Variants in GLRA2 observed in about 807,000 individuals in gnomAD.
GLRA2 encodes glycine receptor subunit alpha-2.
A neutral mutation model predicts 31.6 loss-of-function variants in GLRA2; 11 were observed. The ratio of observed to expected loss-of-function variants is 0.35; its 90% confidence interval spans 0.22 to 0.58. GLRA2 has a LOEUF of 0.58. Among genes scored for constraint, GLRA2 ranks in the 20% least tolerant of loss-of-function variants. GLRA2 has a pLI of 0.84. For missense variants in GLRA2, 212 were observed against 351.8 expected, an observed-to-expected ratio of 0.60 and a Z score of 3.18; for synonymous variants, 132 against 134.0, an observed-to-expected ratio of 0.99 and a Z score of 0.10.
At chrX:14,511,704 T>G in the GLRA2 span, among the ~76,000 whole-genome samples, 3 of 112,284 alleles carry the variant, frequency 2.7e-5, no homozygotes, top group Middle Eastern at 4.6e-3. Flanking sequence ...TCTTTAGAAT[T>G]AAGGAGGTTA....
chrX:14,576,895 T>G (rs1315186761), intron 3 of GLRA2, among the ~76,000 whole-genome samples: 1 of 113,011 alleles, frequency 8.8e-6, no homozygotes. Context: ...ATATTGTGCT[T>G]CTTTTGTTTT....
At chrX:14,649,764 T>C (rs2090869869) in intron 7 of GLRA2, among the ~76,000 whole-genome samples, 1 of 112,153 alleles carries the variant, frequency 8.9e-6, no homozygotes, top group Admixed American at 9.5e-5. Context: ...TTCCTAAGTC[T>C]TCTTCCCTAC....
At chrX:14,600,788 T>C (rs1037016279) in intron 4 of GLRA2, among the ~76,000 whole-genome samples, 1 of 111,568 alleles carries the variant, frequency 9.0e-6, no homozygotes, top group Non-Finnish European at 1.9e-5. Flanking sequence ...AAAGAAAAAT[T>C]TATTCCTTCT....
At chrX:14,708,009 CTTCT>C (rs2091654747) in intron 8 of GLRA2, among the ~76,000 whole-genome samples, 1 of 108,915 alleles carries the variant, frequency 9.2e-6, no homozygotes, top group Non-Finnish European at 1.9e-5. Context: ...TCCCTCCCTC[CTTCT>C]TTCTTTCATG....
the GLRA2 span, among the ~76,000 whole-genome samples, chrX:14,462,938 G>T: frequency 9.0e-6 from 1 of 111,604 alleles, no homozygotes; most frequent in African/African-American, 3.3e-5. Flanking sequence ...CTGGTTTTTG[G>T]AATTTTCAGC....
At chrX:14,667,558 T>C (rs768535973) in intron 7 of GLRA2, among the ~76,000 whole-genome samples, 109 of 111,999 alleles carry the variant, frequency 9.7e-4, no homozygotes, top group African/African-American at 3.3e-3. Flanking sequence ...TGATTTTGAA[T>C]AGCTACTTTT....
chrX:14,472,593 C>G, the GLRA2 span, among the ~76,000 whole-genome samples: 756 of 111,274 alleles, frequency 6.8e-3, 27 homozygotes, highest in Admixed American at 0.061. Flanking sequence ...CATGTGTTCT[C>G]ATCATTCAGC....
chrX:14,552,582 G>A (rs1298690736), intron 2 of GLRA2, among the ~76,000 whole-genome samples: 1 of 112,358 alleles, frequency 8.9e-6, no homozygotes, highest in Non-Finnish European at 1.9e-5. Context: ...ACCTTATGGT[G>A]GCCTAGGCAG....
At chrX:14,693,050 AAAAAAAAG>A (rs1318613684) in intron 8 of GLRA2, among the ~76,000 whole-genome samples, 1 of 98,195 alleles carries the variant, frequency 1.0e-5, no homozygotes, top group African/African-American at 3.5e-5. Flanking sequence ...AATAACAAAA[AAAAAAAAG>A]AAAGAGGGAA....
At chrX:14,519,011 C>CA in the GLRA2 span, among the ~76,000 whole-genome samples, 1,819 of 25,655 alleles carry the variant, frequency 0.071, 44 homozygotes, top group African/African-American at 0.1. Flanking sequence ...GACTCGGTCT[C>CA]AAAAAAAAAA....
At chrX:14,450,492 C>T in the GLRA2 span, among the ~76,000 whole-genome samples, 1 of 111,464 alleles carries the variant, frequency 9.0e-6, no homozygotes, top group Non-Finnish European at 1.9e-5. Context: ...CTCTTGCCCT[C>T]CCTAGATCAC....
chrX:14,501,015 T>C, the GLRA2 span, among the ~76,000 whole-genome samples: 1 of 109,888 alleles, frequency 9.1e-6, no homozygotes, highest in East Asian at 2.8e-4. Flanking sequence ...GATAAAATGA[T>C]TTTTCATAAG....
chrX:14,584,064 G>A (rs2090054537), intron 4 of GLRA2, among the ~76,000 whole-genome samples: 1 of 111,161 alleles, frequency 9.0e-6, no homozygotes, highest in Non-Finnish European at 1.9e-5. Flanking sequence ...TGGAGGGAAA[G>A]AGGAGGACGA....
chrX:14,723,569 T>G (rs2091891422), intron 8 of GLRA2, among the ~76,000 whole-genome samples: 1 of 111,856 alleles, frequency 8.9e-6, no homozygotes, highest in Non-Finnish European at 1.9e-5. Context: ...GTTCTCAAAA[T>G]AAAGCTTCAT....
chrX:14,637,128 A>C, intron 7 of GLRA2, among the ~76,000 whole-genome samples: 1 of 112,480 alleles, frequency 8.9e-6, no homozygotes, highest in Middle Eastern at 4.6e-3. Flanking sequence ...TCTCAGAGGA[A>C]AGGATCATTC....
At chrX:14,539,638 G>A (rs1427728955) in intron 2 of GLRA2, among the ~76,000 whole-genome samples, 2 of 111,389 alleles carry the variant, frequency 1.8e-5, no homozygotes, top group Non-Finnish European at 3.8e-5. Flanking sequence ...TATGGTTTGT[G>A]TATCCACCAT....
At chrX:14,612,019 T>C (rs772620406) in intron 7 of GLRA2, among the ~76,000 whole-genome samples, 1 of 111,862 alleles carries the variant, frequency 8.9e-6, no homozygotes, top group Non-Finnish European at 1.9e-5. Flanking sequence ...AAGAATCTCA[T>C]AATAATATTA....
At chrX:14,463,734 G>A in the GLRA2 span, among the ~76,000 whole-genome samples, 1 of 110,416 alleles carries the variant, frequency 9.1e-6, no homozygotes. Flanking sequence ...GAAAAGTGCA[G>A]TAGTTGGGCA....
intron 7 of GLRA2, among the ~76,000 whole-genome samples, chrX:14,636,777 T>C (rs1430484927): frequency 8.9e-6 from 1 of 112,295 alleles, no homozygotes; most frequent in Non-Finnish European, 1.9e-5. Context: ...AACTGTATTA[T>C]CTTTACAACT....
Sources: gnomAD v4.1 joint callset for allele counts (sites outside exome capture counted in the v4.1 genomes callset) on GRCh38, gnomAD v4.1.1 for gene constraint, MANE v1.5 for transcripts, NCBI Gene and HGNC (gene_info 2026-07-23, HGNC 2026-07-21) for gene names.